The following DPH6 variants were observed in gnomAD, a reference collection of about 807,000 sequenced individuals.
DPH6 encodes diphthine--ammonia ligase.
Under a neutral mutation model 38.2 loss-of-function variants are expected in DPH6, and 33 were observed. That is an observed-to-expected ratio of 0.86 (90% CI 0.65 to 1.15). DPH6 has a LOEUF of 1.15. Among genes scored for constraint, DPH6 ranks in the 50% most tolerant of loss-of-function variants. The pLI is 0.00. For synonymous variants in DPH6, 108 were observed against 103.0 expected (o/e 1.05, Z -0.30); for missense variants, 325 against 320.0 (o/e 1.02, Z -0.12).
chr15:35,471,938 G>C (rs2141128457), intron 3 of DPH6, among the ~76,000 whole-genome samples: 1 of 146,662 alleles, frequency 6.8e-6, no homozygotes, highest in Non-Finnish European at 1.5e-5. Flanking sequence ...TCAGCTATTT[G>C]TGTGGGCCCT....
chr15:35,393,739 C>T (rs922708331), intron 6 of DPH6, among the ~76,000 whole-genome samples: 1 of 152,084 alleles, frequency 6.6e-6, no homozygotes, highest in Non-Finnish European at 1.5e-5. Flanking sequence ...GACCTTCCTG[C>T]TTCTGCTGTT....
At chr15:35,166,147 C>G in the DPH6 span, among the ~76,000 whole-genome samples, 1 of 151,880 alleles carries the variant, frequency 6.6e-6, no homozygotes, top group Non-Finnish European at 1.5e-5. Flanking sequence ...CTGTCCTTCT[C>G]CCCTGAAGCA....
At chr15:35,389,146 C>A (rs939356678) in intron 6 of DPH6, among the ~76,000 whole-genome samples, 8 of 152,064 alleles carry the variant, frequency 5.3e-5, no homozygotes, top group African/African-American at 1.4e-4. Context: ...TGTAGTTGAG[C>A]GGTTTTGAGT....
the DPH6 span, among the ~76,000 whole-genome samples, chr15:35,165,220 T>C: frequency 6.6e-6 from 1 of 151,940 alleles, no homozygotes; most frequent in East Asian, 1.9e-4. Context: ...AAGACTTAAA[T>C]TGTAAGTAGG....
downstream of DPH6, among the ~76,000 whole-genome samples, chr15:35,368,475 C>A (rs1333022602): frequency 6.6e-6 from 1 of 151,820 alleles, no homozygotes; most frequent in African/African-American, 2.4e-5. Flanking sequence ...GGGAGTCATA[C>A]ACTAGAAAGA....
chr15:35,372,258 C>CA, intron 8 of DPH6, 55 bp from the exon 9 acceptor site: 1 of 1,352,106 alleles, frequency 7.4e-7, no homozygotes, highest in African/African-American at 1.5e-5. Flanking sequence ...TATTCAGTGT[C>CA]AGTGAATATG....
chr15:35,179,884 T>C, the DPH6 span, among the ~76,000 whole-genome samples: 1 of 152,174 alleles, frequency 6.6e-6, no homozygotes, highest in Non-Finnish European at 1.5e-5. Flanking sequence ...TTTTCTACGG[T>C]TTTGCTGTGT....
chr15:35,316,578 TA>T (rs1352986188), intron 3 of DPH6, among the ~76,000 whole-genome samples: 1 of 151,812 alleles, frequency 6.6e-6, no homozygotes, highest in Non-Finnish European at 1.5e-5. Context: ...ACTTGGTGAG[TA>T]AAAAGAATGG....
intron 3 of DPH6, chr15:35,489,951 A>G (rs1452768880): frequency 1.0e-6 from 1 of 981,324 alleles, no homozygotes; most frequent in African/African-American, 1.7e-5. Flanking sequence ...ACTATTTTTA[A>G]CAAACAGCTA....
intron 3 of DPH6, among the ~76,000 whole-genome samples, chr15:35,228,232 C>T (rs1443951579): frequency 6.6e-6 from 1 of 152,036 alleles, no homozygotes; most frequent in African/African-American, 2.4e-5. Flanking sequence ...AAAGTGTCCC[C>T]CAACTTTTAA....
intron 3 of DPH6, among the ~76,000 whole-genome samples, chr15:35,533,991 T>A (rs962199188): frequency 6.6e-6 from 1 of 152,058 alleles, no homozygotes; most frequent in Admixed American, 6.5e-5. Context: ...TCCTCTTGTA[T>A]TATTCTTGGA....
intron 5 of DPH6, among the ~76,000 whole-genome samples, chr15:35,447,395 G>C (rs551872066): frequency 6.6e-6 from 1 of 152,112 alleles, no homozygotes; most frequent in Non-Finnish European, 1.5e-5. Context: ...GCTCTCCACA[G>C]AACTTGAATT....
chr15:35,350,642 C>T (rs2052502887), intron 3 of DPH6, among the ~76,000 whole-genome samples: 1 of 152,100 alleles, frequency 6.6e-6, no homozygotes. Flanking sequence ...TTTTCATTTT[C>T]ACTTGACCTA....
intron 7 of DPH6, among the ~76,000 whole-genome samples, chr15:35,376,637 C>G (rs1293169335): frequency 1.3e-5 from 2 of 152,096 alleles, no homozygotes; most frequent in African/African-American, 4.8e-5. Context: ...ACTTTCAGTC[C>G]TGTAAGCTTC....
intron 3 of DPH6, among the ~76,000 whole-genome samples, chr15:35,360,364 A>G (rs2052603614): frequency 6.6e-6 from 1 of 152,172 alleles, no homozygotes; most frequent in Non-Finnish European, 1.5e-5. Context: ...ACCATGGTCA[A>G]GCAAGGTTGG....
chr15:35,299,557 G>C (rs766717361), intron 3 of DPH6: 41 of 497,114 alleles, frequency 8.2e-5, no homozygotes, highest in African/African-American at 1.7e-4. Flanking sequence ...CTGAGTCCGC[G>C]GGGCGCTGGG....
intron 3 of DPH6, among the ~76,000 whole-genome samples, chr15:35,533,300 T>C (rs989697838): frequency 2.0e-5 from 3 of 152,108 alleles, no homozygotes; most frequent in Admixed American, 6.6e-5. Context: ...ATCTCTTAGT[T>C]TAGGATGACA....
intron 3 of DPH6, among the ~76,000 whole-genome samples, chr15:35,297,809 A>C (rs935758414): frequency 6.6e-6 from 1 of 151,504 alleles, no homozygotes; most frequent in Non-Finnish European, 1.5e-5. Flanking sequence ...CTGTCAAAAA[A>C]ACTTTCTCTC....
intron 3 of DPH6, chr15:35,520,775 C>T (rs1595439301): frequency 1.0e-6 from 1 of 984,742 alleles, no homozygotes; most frequent in Non-Finnish European, 1.2e-6. Flanking sequence ...AAAAATCCTC[C>T]ATTAATGTAT....
Sources: allele counts gnomAD v4.1 joint callset (sites outside exome capture counted in the v4.1 genomes callset), GRCh38; gene constraint gnomAD v4.1.1; transcripts MANE v1.5; gene names NCBI Gene and HGNC (gene_info 2026-07-23, HGNC 2026-07-21).